RPS6KC1: variants seen among roughly 807,000 people sequenced by gnomAD.
RPS6KC1 encodes the protein inactive ribosomal protein S6 kinase delta-1.
A neutral mutation model predicts 103.8 loss-of-function variants in RPS6KC1; 54 were observed. The observed-to-expected ratio is 0.52, with a 90% CI of 0.42 to 0.65. The LOEUF (loss-of-function observed/expected upper bound fraction) is 0.65. Among genes scored for constraint, RPS6KC1 ranks in the 30% least tolerant of loss-of-function variants. The probability of loss-of-function intolerance (pLI) is 0.00; values close to 1 mark genes in which losing one functional copy is unlikely to be tolerated. For missense variants in RPS6KC1, 1,151 were observed against 1,253.8 expected (o/e 0.92, Z 1.24); for synonymous variants, 439 against 438.7 (o/e 1.00, Z -0.01).
the RPS6KC1 span, among the ~76,000 whole-genome samples, chr1:213,281,636 G>C: frequency 6.6e-6 from 1 of 152,172 alleles, no homozygotes; most frequent in South Asian, 2.1e-4. Context: ...CAGAGAGCAG[G>C]GAGCGACAGC....
chr1:213,491,815 C>A, the RPS6KC1 span, among the ~76,000 whole-genome samples: 3 of 152,112 alleles, frequency 2.0e-5, no homozygotes, highest in South Asian at 6.2e-4. Context: ...TATCTGAGTC[C>A]CCAGCGCATC....
At chr1:213,055,969 A>G (rs2077301071) in intron 1 of RPS6KC1, among the ~76,000 whole-genome samples, 1 of 152,114 alleles carries the variant, frequency 6.6e-6, no homozygotes, top group Non-Finnish European at 1.5e-5. Flanking sequence ...CAGTGACGCA[A>G]TCATAGCTTA....
chr1:213,499,031 C>T, the RPS6KC1 span, among the ~76,000 whole-genome samples: 1 of 151,972 alleles, frequency 6.6e-6, no homozygotes, highest in African/African-American at 2.4e-5. Flanking sequence ...CCACCTGTCT[C>T]AGCCTCCCAA....
At chr1:213,702,813 A>G in the RPS6KC1 span, among the ~76,000 whole-genome samples, 447 of 150,536 alleles carry the variant, frequency 3.0e-3, 2 homozygotes, top group African/African-American at 0.01. Flanking sequence ...TTTAAAGGTG[A>G]AGTATGTTTC....
At chr1:213,222,359 A>C (rs138386140) in intron 8 of RPS6KC1, among the ~76,000 whole-genome samples, 231 of 152,306 alleles carry the variant, frequency 1.5e-3, no homozygotes, top group African/African-American at 5.2e-3. Flanking sequence ...AGTTATAAGT[A>C]TCCCTGTCAA....
intron 6 of RPS6KC1, among the ~76,000 whole-genome samples, chr1:213,138,289 A>T (rs1017931935): frequency 8.6e-5 from 13 of 150,968 alleles, no homozygotes; most frequent in South Asian, 4.2e-4. Flanking sequence ...TTTTTTTTTT[A>T]AAACCAAATA....
the RPS6KC1 span, among the ~76,000 whole-genome samples, chr1:213,328,158 A>G: frequency 2.0e-5 from 3 of 152,144 alleles, no homozygotes; most frequent in African/African-American, 7.2e-5. Flanking sequence ...CAGTTTCTAC[A>G]TCTCTATCTG....
At chr1:213,178,830 T>C (rs539025350) in intron 8 of RPS6KC1, among the ~76,000 whole-genome samples, 1 of 152,160 alleles carries the variant, frequency 6.6e-6, no homozygotes, top group African/African-American at 2.4e-5. Flanking sequence ...TTCTTCTGTC[T>C]CAGCCTCCTG....
chr1:213,518,176 GT>G, the RPS6KC1 span, among the ~76,000 whole-genome samples: 3 of 152,166 alleles, frequency 2.0e-5, no homozygotes, highest in Non-Finnish European at 4.4e-5. Context: ...AAAAGTCTAT[GT>G]TGTCGTCATA....
At chr1:213,118,102 G>C (rs1450311363) in intron 5 of RPS6KC1, among the ~76,000 whole-genome samples, 1 of 148,836 alleles carries the variant, frequency 6.7e-6, no homozygotes, top group Non-Finnish European at 1.5e-5. Context: ...TGGCTTTAGA[G>C]ATTTAGTCAT....
chr1:213,282,124 G>A, the RPS6KC1 span, among the ~76,000 whole-genome samples: 1 of 152,244 alleles, frequency 6.6e-6, no homozygotes, highest in African/African-American at 2.4e-5. Flanking sequence ...TGTGCTGGCT[G>A]CTCCTCGGCC....
chr1:213,125,156 A>G (rs2084828859), intron 5 of RPS6KC1, among the ~76,000 whole-genome samples: 1 of 152,066 alleles, frequency 6.6e-6, no homozygotes, highest in Non-Finnish European at 1.5e-5. Context: ...TATATTATAG[A>G]ATTACCTATA....
At chr1:213,695,612 C>A in the RPS6KC1 span, among the ~76,000 whole-genome samples, 117 of 152,354 alleles carry the variant, frequency 7.7e-4, no homozygotes, top group African/African-American at 2.7e-3. Flanking sequence ...TTTCTTGATG[C>A]TCTCAGTGTG....
At chr1:213,127,831 T>C (rs1558374949) in intron 5 of RPS6KC1, among the ~76,000 whole-genome samples, 1 of 152,214 alleles carries the variant, frequency 6.6e-6, no homozygotes, top group African/African-American at 2.4e-5. Flanking sequence ...TGAAATGTGC[T>C]GTCAACATTT....
the RPS6KC1 span, among the ~76,000 whole-genome samples, chr1:213,561,530 C>T: frequency 6.6e-6 from 1 of 152,162 alleles, no homozygotes; most frequent in Non-Finnish European, 1.5e-5. Flanking sequence ...GTCCACTGCT[C>T]AGAGCAAAGG....
the RPS6KC1 span, among the ~76,000 whole-genome samples, chr1:213,399,876 C>T: frequency 6.6e-6 from 1 of 152,094 alleles, no homozygotes; most frequent in African/African-American, 2.4e-5. Flanking sequence ...TTGAAGCTGC[C>T]GGTTACTGTT....
At chr1:213,152,026 C>T (rs2089116572) in intron 6 of RPS6KC1, among the ~76,000 whole-genome samples, 2 of 140,896 alleles carry the variant, frequency 1.4e-5, no homozygotes, top group South Asian at 4.5e-4. Context: ...CCCTCACCTC[C>T]CGGACGGGGC....
At chr1:213,082,329 GCT>G (rs2079975519) in intron 3 of RPS6KC1, among the ~76,000 whole-genome samples, 1 of 152,162 alleles carries the variant, frequency 6.6e-6, no homozygotes, top group Non-Finnish European at 1.5e-5. Flanking sequence ...TACTCAGGCG[GCT>G]GAGGCAGGAG....
At chr1:213,081,350 G>A (rs936553426) in intron 3 of RPS6KC1, among the ~76,000 whole-genome samples, 9 of 152,152 alleles carry the variant, frequency 5.9e-5, no homozygotes, top group African/African-American at 2.2e-4. Flanking sequence ...AGAAGGAAAC[G>A]AGAGAGAGGA....
Sources: gnomAD v4.1 joint callset for allele counts (sites outside exome capture counted in the v4.1 genomes callset) on GRCh38, gnomAD v4.1.1 for gene constraint, MANE v1.5 for transcripts, NCBI Gene and HGNC (gene_info 2026-07-23, HGNC 2026-07-21) for gene names.